IL1RAPL1: variants seen among roughly 807,000 people sequenced by gnomAD.
IL1RAPL1 encodes the protein interleukin-1 receptor accessory protein-like 1.
Under a neutral mutation model 48.4 loss-of-function variants are expected in IL1RAPL1, and 3 were observed. The ratio of observed to expected loss-of-function variants is 0.06; its 90% CI spans 0.03 to 0.16. The LOEUF (loss-of-function observed/expected upper bound fraction) is 0.16. Among genes scored for constraint, IL1RAPL1 ranks in the 10% least tolerant of loss-of-function variants. IL1RAPL1 has a pLI of 1.00. For missense variants in IL1RAPL1, 349 were observed against 530.6 expected, an observed-to-expected ratio of 0.66 and a Z score of 3.36; for synonymous variants, 185 against 187.7, an observed-to-expected ratio of 0.99 and a Z score of 0.12.
chrX:29,281,709 C>T (rs1195200081), intron 2 of IL1RAPL1, among the ~76,000 whole-genome samples: 1 of 112,014 alleles, frequency 8.9e-6, no homozygotes, highest in Non-Finnish European at 1.9e-5. Context: ...GAAAAAAACA[C>T]AGTCATTTGA....
At chrX:28,641,043 G>C (rs1934532222) in intron 1 of IL1RAPL1, among the ~76,000 whole-genome samples, 1 of 110,424 alleles carries the variant, frequency 9.1e-6, no homozygotes, top group South Asian at 4.0e-4. Context: ...TCCTCTGAAG[G>C]CTTGACTAGA....
chrX:29,080,997 T>C (rs1376990224), intron 2 of IL1RAPL1, among the ~76,000 whole-genome samples: 2 of 46,386 alleles, frequency 4.3e-5, no homozygotes, highest in African/African-American at 1.8e-4. Context: ...TCTTTCTTTC[T>C]CTCTCTCTCT....
intron 2 of IL1RAPL1, among the ~76,000 whole-genome samples, chrX:29,195,981 G>A (rs777405801): frequency 2.7e-5 from 3 of 111,397 alleles, no homozygotes; most frequent in South Asian, 3.8e-4. Context: ...AATTTTCTTC[G>A]GTAATACTTG....
intron 2 of IL1RAPL1, among the ~76,000 whole-genome samples, chrX:28,934,083 C>T (rs928277676): frequency 7.2e-5 from 8 of 111,194 alleles, no homozygotes; most frequent in African/African-American, 2.3e-4. Context: ...GTACAAACCT[C>T]CTATCTCATC....
intron 2 of IL1RAPL1, among the ~76,000 whole-genome samples, chrX:29,210,928 C>A (rs1367343031): frequency 8.9e-6 from 1 of 112,301 alleles, no homozygotes; most frequent in Non-Finnish European, 1.9e-5. Context: ...TGCATTTGCA[C>A]GTCCGCACAC....
chrX:29,090,134 C>T (rs918105726), intron 2 of IL1RAPL1, among the ~76,000 whole-genome samples: 3 of 109,907 alleles, frequency 2.7e-5, no homozygotes, highest in Non-Finnish European at 3.8e-5. Flanking sequence ...CTGTTTCTTC[C>T]CTACACCTAT....
chrX:28,806,241 G>A (rs992038196), intron 2 of IL1RAPL1, among the ~76,000 whole-genome samples: 1 of 111,973 alleles, frequency 8.9e-6, no homozygotes, highest in Non-Finnish European at 1.9e-5. Context: ...ACCATTCATG[G>A]TTATTGTGTA....
chrX:29,310,112 A>G (rs1569282262), intron 3 of IL1RAPL1, among the ~76,000 whole-genome samples: 4 of 86,073 alleles, frequency 4.6e-5, no homozygotes, highest in Non-Finnish European at 8.6e-5. Context: ...AAAAAAAAAA[A>G]AAAAAAAAAA....
rs757066676 is a variant in IL1RAPL1 at position 28,732,561 on chromosome X, T to A, written c.-24-56759T>A. Among the ~76,000 whole-genome samples, 13 of 112,216 alleles carry A rather than the reference T, an allele frequency of 1.2e-4. No individual in the cohort carries two copies. In the East Asian group the frequency reaches 2.5e-3, roughly 22 times the overall value. On this transcript the variant is annotated intron_variant, in intron 1 of 10. Coordinates refer to ENST00000378993, the MANE Select transcript of IL1RAPL1 (RefSeq NM_014271.4). ...TTCAGGTAATTGAAATAGTTTGATA[T>A]CCTAAGTAGTTTAAGCATTCTTTCT... is the stretch of plus-strand genomic sequence containing the variant.
intron 2 of IL1RAPL1, among the ~76,000 whole-genome samples, chrX:29,222,517 C>T (rs1931002046): frequency 8.9e-6 from 1 of 111,802 alleles, no homozygotes; most frequent in Admixed American, 9.5e-5. Flanking sequence ...TGACTGACTA[C>T]CTTGCACTTA....
chrX:29,458,516 A>G (rs1470816889), intron 5 of IL1RAPL1, among the ~76,000 whole-genome samples: 1 of 111,903 alleles, frequency 8.9e-6, no homozygotes, highest in Non-Finnish European at 1.9e-5. Context: ...GACTATGTCA[A>G]ATCACATTGA....
chrX:29,158,000 A>G (rs1929601188), intron 2 of IL1RAPL1, among the ~76,000 whole-genome samples: 1 of 111,800 alleles, frequency 8.9e-6, no homozygotes, highest in South Asian at 3.7e-4. Flanking sequence ...CCCATGTAGT[A>G]GAAGGAAGAG....
At chrX:29,110,689 A>G (rs1883373425) in intron 2 of IL1RAPL1, among the ~76,000 whole-genome samples, 1 of 111,791 alleles carries the variant, frequency 8.9e-6, no homozygotes, top group African/African-American at 3.3e-5. Context: ...AAACAGTTCT[A>G]ATTTTTTGAG....
intron 2 of IL1RAPL1, among the ~76,000 whole-genome samples, chrX:29,195,808 G>T (rs767760886): frequency 1.8e-5 from 2 of 110,792 alleles, no homozygotes; most frequent in South Asian, 7.7e-4. Context: ...TGATCCACCC[G>T]CCTCGGCCTT....
chrX:29,954,467 T>C, intron 9 of IL1RAPL1, 55 bp from the exon 10 acceptor site: 1 of 1,005,081 alleles, frequency 9.9e-7, no homozygotes, highest in South Asian at 1.9e-5. Context: ...TTTCATGTCC[T>C]ATTGTTATCT....
chrX:28,799,415 G>A (rs1194502786), intron 2 of IL1RAPL1, among the ~76,000 whole-genome samples: 1 of 112,445 alleles, frequency 8.9e-6, no homozygotes, highest in Non-Finnish European at 1.9e-5. Flanking sequence ...AGAAAATTCA[G>A]TCTGGGTGGT....
At chrX:29,215,113 C>T (rs1028135946) in intron 2 of IL1RAPL1, among the ~76,000 whole-genome samples, 6 of 111,065 alleles carry the variant, frequency 5.4e-5, no homozygotes, top group Non-Finnish European at 7.5e-5. Flanking sequence ...TTCGGGAGGC[C>T]GAGGTGGGTG....
At chrX:28,884,897 A>T (rs182589532) in intron 2 of IL1RAPL1, among the ~76,000 whole-genome samples, 2 of 111,983 alleles carry the variant, frequency 1.8e-5, no homozygotes, top group African/African-American at 6.5e-5. Context: ...AATGTGATTT[A>T]TCTGTCAATT....
At chrX:29,046,217 A>T (rs74559998) in intron 2 of IL1RAPL1, among the ~76,000 whole-genome samples, 2 of 79,670 alleles carry the variant, frequency 2.5e-5, no homozygotes, top group African/African-American at 8.9e-5. Flanking sequence ...CTAGCTAATT[A>T]AAAAAAAAAA....
Sources: gnomAD v4.1 joint callset for allele counts (sites outside exome capture counted in the v4.1 genomes callset) on GRCh38, gnomAD v4.1.1 for gene constraint, MANE v1.5 for transcripts, NCBI Gene and HGNC (gene_info 2026-07-23, HGNC 2026-07-21) for gene names.